Variants in FGF13 observed in about 807,000 individuals in gnomAD.
FGF13 encodes the protein fibroblast growth factor 13.
FGF13 carries 2 observed loss-of-function variants against 19.5 expected under a neutral mutation model. The observed-to-expected ratio is 0.10, with a 90% confidence interval of 0.04 to 0.32. The LOEUF is 0.32. Among genes scored for constraint, FGF13 ranks in the 10% least tolerant of loss-of-function variants. The probability of loss-of-function intolerance (pLI) is 1.00; values close to 1 mark genes in which losing one functional copy is unlikely to be tolerated. For missense variants in FGF13, 113 were observed against 192.7 expected, an observed-to-expected ratio of 0.59 and a Z score of 2.45; for synonymous variants, 72 against 76.9, an observed-to-expected ratio of 0.94 and a Z score of 0.33.
chrX:139,178,432 T>C (rs751790159), intron 1 of FGF13, among the ~76,000 whole-genome samples: 2 of 112,319 alleles, frequency 1.8e-5, no homozygotes, highest in Admixed American at 9.4e-5. Flanking sequence ...TTTCTGTCCA[T>C]TCAGGTCTAA....
At chrX:138,684,356 A>C (rs1256220005) in intron 3 of FGF13, among the ~76,000 whole-genome samples, 2 of 111,600 alleles carry the variant, frequency 1.8e-5, no homozygotes, top group East Asian at 2.8e-4. Context: ...TGAACCTCCA[A>C]ATTCTTCCTT....
At chrX:138,742,800 C>T (rs2090328710), upstream of FGF13, among the ~76,000 whole-genome samples, 1 of 111,975 alleles carries the variant, frequency 8.9e-6, no homozygotes, top group African/African-American at 3.2e-5. Context: ...TATTAAAATG[C>T]AAAGCTCTTG....
intron 1 of FGF13, among the ~76,000 whole-genome samples, chrX:139,066,350 C>CA (rs2092356500): frequency 9.1e-6 from 1 of 109,913 alleles, no homozygotes; most frequent in Non-Finnish European, 1.9e-5. Context: ...GATAGAGACA[C>CA]AAAAAAACGA....
At position 138,931,758 on chromosome X, in the gene FGF13, A is replaced by G. The variant is rs189197608; in HGVS notation, c.-112-67108T>C. ...AGAATTTATCATTTGCAAAACCTCA[A>G]ATGTACTGTACTCAGCTGTACCCTA... On this transcript the variant is annotated intron_variant, in intron 1 of 2. Coordinates refer to the FGF13 transcript ENST00000421460. Among the ~76,000 whole-genome samples, 248 of 112,279 alleles carry G rather than the reference A, an allele frequency of 2.2e-3. 1 individual carries two copies. Among genetic ancestry groups the G allele is most frequent in the Non-Finnish European group, 3.8e-3 (200 of 53,286 alleles).
In FGF13 at chrX:138,972,190, G is replaced by A. The variant is rs184604318; in HGVS notation, c.-112-107540C>T. 4.9e-3 allele frequency among the ~76,000 whole-genome samples: 528 copies of A among 107,640 alleles called. 3 individuals are homozygous for A. The highest frequency in any genetic ancestry group is 7.8e-3 in the Non-Finnish European group (407 of 52,239). The allele number at this position is 107,640 out of a possible 115,157, so 93.5% of individuals were successfully genotyped here. On this transcript the variant is annotated intron_variant, in intron 1 of 2. Transcript: ENST00000421460. ...ATGGGAGTGCAGATATCTCTTCAAC[G>A]TGCTTATTTCAATTCCTTTGGATAT...
chrX:139,047,133 CCTGGCTA>C (rs1227663199), intron 1 of FGF13, among the ~76,000 whole-genome samples: 4 of 112,061 alleles, frequency 3.6e-5, no homozygotes, highest in Non-Finnish European at 7.5e-5. Flanking sequence ...GACTGAATTC[CCTGGCTA>C]CTTGAAGTCC....
intron 1 of FGF13, among the ~76,000 whole-genome samples, chrX:138,919,052 A>G (rs1195737034): frequency 8.9e-6 from 1 of 111,813 alleles, no homozygotes; most frequent in African/African-American, 3.3e-5. Context: ...CCTATGGAAA[A>G]AAATGCAAAG....
intron 1 of FGF13, among the ~76,000 whole-genome samples, chrX:138,983,879 T>G (rs552429615): frequency 2.6e-5 from 2 of 75,526 alleles, no homozygotes; most frequent in South Asian, 1.4e-3. Context: ...TTATGAAAGA[T>G]GATTAAGTTC....
chrX:138,675,137 C>T (rs1408743422), intron 3 of FGF13, among the ~76,000 whole-genome samples: 5 of 111,286 alleles, frequency 4.5e-5, no homozygotes, highest in African/African-American at 9.8e-5. Flanking sequence ...CCCAAGTAAT[C>T]AGTTTACGTT....
At position 138,615,805 on chromosome X, in the gene FGF13, C is replaced by T. The variant is rs933670258; in HGVS notation, c.*17045G>A. 9 of 111,493 alleles carry T rather than the reference C, an allele frequency of 8.1e-5. No individual in the cohort carries two copies. The highest frequency in any genetic ancestry group is 2.6e-4 in the African/African-American group (8 of 30,589). The allele number at this position is 111,493 out of a possible 1,213,427, so 9.2% of individuals were successfully genotyped here. On this transcript the variant is annotated 3_prime_UTR_variant, in exon 5 of 5. Transcript: ENST00000315930. The stretch of plus-strand genomic sequence containing the variant: ...TCACAGTTCCGCATGGCTTCGGAGG[C>T]CTCAGGAGACTTACAATCATGGTGG...
At chrX:139,123,329 C>G (rs1305857367) in intron 1 of FGF13, among the ~76,000 whole-genome samples, 4 of 111,705 alleles carry the variant, frequency 3.6e-5, no homozygotes, top group Non-Finnish European at 5.7e-5. Flanking sequence ...CTTACAAGAC[C>G]CTACAAGATC....
chrX:139,083,735 G>T (rs780431308), intron 1 of FGF13, among the ~76,000 whole-genome samples: 2 of 111,295 alleles, frequency 1.8e-5, no homozygotes, highest in Non-Finnish European at 3.8e-5. Flanking sequence ...GCTGGGCGTG[G>T]TGGCATGCGC....
chrX:138,973,632 T>C (rs1299131601), intron 1 of FGF13, among the ~76,000 whole-genome samples: 1 of 111,837 alleles, frequency 8.9e-6, no homozygotes, highest in Non-Finnish European at 1.9e-5. Context: ...CTATCTTCCC[T>C]TTTAGGTCTA....
intron 3 of FGF13, among the ~76,000 whole-genome samples, chrX:138,848,651 A>G (rs2091200799): frequency 9.0e-6 from 1 of 111,637 alleles, no homozygotes; most frequent in Non-Finnish European, 1.9e-5. Flanking sequence ...TTGGGACCAG[A>G]AGCACGACAA....
chrX:139,180,409 G>A lies in FGF13; in HGVS notation c.-113+23007C>T, dbSNP rs769342284. The stretch of plus-strand genomic sequence containing the variant: ...CTTCTGGAACTTACATACCCTAAAG[G>A]TATTCCATGCACAAATTGCTCTGAG... On this transcript the variant is annotated intron_variant, in intron 1 of 2. Coordinates refer to the FGF13 transcript ENST00000421460. Among the ~76,000 whole-genome samples, 37 of 111,683 alleles carry A rather than the reference G, an allele frequency of 3.3e-4. No individual in the cohort carries two copies. The Admixed American group carries it at 3.3e-3, about 10-fold the overall frequency.
At chrX:139,092,189 G>A (rs747532776) in intron 1 of FGF13, among the ~76,000 whole-genome samples, 3 of 111,628 alleles carry the variant, frequency 2.7e-5, no homozygotes, top group Non-Finnish European at 5.6e-5. Context: ...TTGCTGAATG[G>A]CACCCAGGTG....
At chrX:139,019,473 C>T (rs1393234523) in intron 1 of FGF13, among the ~76,000 whole-genome samples, 1 of 110,802 alleles carries the variant, frequency 9.0e-6, no homozygotes, top group Admixed American at 9.7e-5. Context: ...AAAACAAAAT[C>T]CTCACATTCT....
intron 1 of FGF13, among the ~76,000 whole-genome samples, chrX:138,733,535 G>A (rs2090249242): frequency 9.0e-6 from 1 of 111,411 alleles, no homozygotes; most frequent in African/African-American, 3.3e-5. Context: ...ATCTGGGATA[G>A]GATGGCATTA....
chrX:138,667,913 G>T (rs1023579726), intron 3 of FGF13: 2 of 232,141 alleles, frequency 8.6e-6, no homozygotes, highest in African/African-American at 5.9e-5. Context: ...GACACTAACT[G>T]ATGAGGGTAG....
Sources: allele counts gnomAD v4.1 joint callset (sites outside exome capture counted in the v4.1 genomes callset), GRCh38; gene constraint gnomAD v4.1.1; transcripts MANE v1.5; gene names NCBI Gene and HGNC (gene_info 2026-07-23, HGNC 2026-07-21).